The following ABCA12 variants were observed in gnomAD, a reference collection of about 807,000 sequenced individuals.
ABCA12 encodes ATP binding cassette subfamily A member 12.
Under a neutral mutation model 293.5 loss-of-function variants are expected in ABCA12, and 156 were observed. The ratio of observed to expected loss-of-function variants is 0.53; its 90% CI spans 0.47 to 0.61. The LOEUF (loss-of-function observed/expected upper bound fraction) is 0.61, where lower values mean the gene tolerates loss of function less well. Among genes scored for constraint, ABCA12 ranks in the 20% least tolerant of loss-of-function variants. The pLI, the probability that ABCA12 is intolerant of heterozygous loss-of-function variation, is 0.00. For synonymous variants in ABCA12, 1,063 were observed against 1,108.0 expected (o/e 0.96, Z 0.81); for missense variants, 2,797 against 3,090.2 (o/e 0.91, Z 2.25).
In ABCA12 at chr2:214,955,160, T is replaced by C. The variant is rs573158886; in HGVS notation, c.6393+42A>G. On this transcript the variant is annotated intron_variant, in intron 43 of 52. Coordinates refer to ENST00000272895, the MANE Select transcript of ABCA12 (RefSeq NM_173076.3). Reference sequence around the variant, plus strand: ...AAATAAAATCTTTCCACCTGGAACATGTTGAAGCTTTTGATAAATTCACTG... The same window carrying C: ...AAATAAAATCTTTCCACCTGGAACACGTTGAAGCTTTTGATAAATTCACTG... The C allele has an allele frequency of 8.4e-5, 135 of 1,602,990 alleles. 2 individuals carry two copies. The South Asian group carries it at 1.4e-3, about 17-fold the overall frequency.
At chr2:214,973,383 C>G (rs77546616) in intron 36 of ABCA12, among the ~76,000 whole-genome samples, 4,518 of 152,240 alleles carry the variant, frequency 0.03, 214 homozygotes, top group African/African-American at 0.1. Context: ...TCTTGAACTT[C>G]TCTAGTGAAT....
intron 1 of ABCA12, among the ~76,000 whole-genome samples, chr2:215,133,408 A>G (rs990037527): frequency 6.6e-6 from 1 of 151,770 alleles, no homozygotes; most frequent in African/African-American, 2.4e-5. Context: ...AATAATGTGT[A>G]GGTTTGGTCA....
intron 7 of ABCA12, among the ~76,000 whole-genome samples, chr2:215,045,140 G>A (rs1575006984): frequency 6.6e-6 from 1 of 152,148 alleles, no homozygotes; most frequent in African/African-American, 2.4e-5. Flanking sequence ...CATCATTGAT[G>A]CAGTAGTTGG....
At chr2:215,100,277 T>C (rs1702330707) in intron 2 of ABCA12, among the ~76,000 whole-genome samples, 1 of 152,236 alleles carries the variant, frequency 6.6e-6, no homozygotes, top group Non-Finnish European at 1.5e-5. Flanking sequence ...CTAGTCTACC[T>C]ATCTTTAGCC....
At chr2:215,080,202 T>A (rs532119225) in intron 2 of ABCA12, among the ~76,000 whole-genome samples, 3 of 152,308 alleles carry the variant, frequency 2.0e-5, no homozygotes, top group South Asian at 4.1e-4. Context: ...CAGTGATGAA[T>A]TCCCTGAACT....
chr2:214,942,994 C>T lies in ABCA12; in HGVS notation c.7367G>A (p.Cys2456Tyr). 2 of 1,613,328 alleles carry T rather than the reference C, an allele frequency of 1.2e-6. No homozygotes were observed. The highest frequency in any genetic ancestry group is 2.7e-5 in the African/African-American group (2 of 75,014). Residue 2456 changes from cysteine (C) to tyrosine (Y), a missense_variant, in exon 50 of 53, where the codon TGT becomes TAT. Physicochemically the swap from Cys to Tyr is radical, Grantham distance 194. Coordinates refer to ENST00000272895, the MANE Select transcript of ABCA12 (RefSeq NM_173076.3). The part of the protein sequence containing the change: ...SHSMEECEAL[C>Y]TRLAIMVNGK... ...ATTCACCATAATGGCCAACCTGGTA[C>T]AGAGAGCTTCACATTCTTCCATGCT...
At chr2:215,098,838 C>G (rs893408316) in intron 2 of ABCA12, among the ~76,000 whole-genome samples, 1 of 152,198 alleles carries the variant, frequency 6.6e-6, no homozygotes, top group Non-Finnish European at 1.5e-5. Context: ...ATGAGTGCCT[C>G]AACGTGCAGG....
intron 2 of ABCA12, among the ~76,000 whole-genome samples, chr2:215,065,074 G>A (rs1461695968): frequency 1.3e-5 from 2 of 151,722 alleles, no homozygotes; most frequent in Non-Finnish European, 2.9e-5. Flanking sequence ...ATAGTGAGGG[G>A]TTTTGTAAAC....
chr2:215,024,473 G>A (rs746013378), intron 11 of ABCA12, among the ~76,000 whole-genome samples: 2 of 152,136 alleles, frequency 1.3e-5, no homozygotes, highest in Admixed American at 6.5e-5. Context: ...TAATATTATC[G>A]AAGAAGTGGT....
chr2:215,058,171 G>T (rs923000512), intron 3 of ABCA12, among the ~76,000 whole-genome samples: 1 of 151,996 alleles, frequency 6.6e-6, no homozygotes, highest in Non-Finnish European at 1.5e-5. Flanking sequence ...TTAGCCCAGT[G>T]GTTTTCAAGT....
At chr2:215,010,747 G>A (rs1222173610) in intron 17 of ABCA12, among the ~76,000 whole-genome samples, 3 of 152,026 alleles carry the variant, frequency 2.0e-5, no homozygotes. Flanking sequence ...TTTCAGAATG[G>A]CTAACAGATT....
Position 215,000,932 on chromosome 2 carries a change from G to A in ABCA12, c.2952C>T (p.Thr984=), listed in dbSNP as rs1700130284. The change falls in exon 22 of 53, where the codon ACC becomes ACT. Residue 984 remains threonine, a synonymous_variant. Coordinates refer to ENST00000272895, the MANE Select transcript of ABCA12 (RefSeq NM_173076.3). ...NVFLPPVIKY[T]IRMSLKTAQT... ...GTGCGGTCTTGAGACTCATCCGGATGGTATATTTTATGACAGGAGGAAGAA... is the reference window on the plus strand; with the variant it reads ...GTGCGGTCTTGAGACTCATCCGGATAGTATATTTTATGACAGGAGGAAGAA... 2 of 1,613,942 alleles carry A rather than the reference G, an allele frequency of 1.2e-6. No homozygotes were observed. Among genetic ancestry groups the A allele is most frequent in the Non-Finnish European group, 1.7e-6 (2 of 1,179,954 alleles).
At chr2:215,002,018 A>C (rs1251384181) in intron 20 of ABCA12, among the ~76,000 whole-genome samples, 1 of 152,224 alleles carries the variant, frequency 6.6e-6, no homozygotes, top group Non-Finnish European at 1.5e-5. Flanking sequence ...ATAACAAAGA[A>C]CTAAGATGAA....
intron 44 of ABCA12, among the ~76,000 whole-genome samples, chr2:214,952,057 CA>C (rs60347424): frequency 1.6e-3 from 212 of 132,536 alleles, no homozygotes; most frequent in Admixed American, 1.5e-3. Flanking sequence ...TAACAAATAC[CA>C]AAAAAAAAAA....
intron 1 of ABCA12, among the ~76,000 whole-genome samples, chr2:215,113,980 G>T (rs529435232): frequency 1.3e-5 from 2 of 152,084 alleles, no homozygotes; most frequent in African/African-American, 4.8e-5. Context: ...TCATAAACTT[G>T]CTTTTTTTTC....
At chr2:215,030,571 T>A (rs375413063) in intron 9 of ABCA12, among the ~76,000 whole-genome samples, 21 of 147,182 alleles carry the variant, frequency 1.4e-4, no homozygotes, top group African/African-American at 5.3e-4. Context: ...GCCACTGCAC[T>A]CCAGCCTGGG....
At chr2:214,981,359 CCTCT>C (rs1390354822) in intron 30 of ABCA12, among the ~76,000 whole-genome samples, 1 of 152,074 alleles carries the variant, frequency 6.6e-6, no homozygotes, top group Non-Finnish European at 1.5e-5. Flanking sequence ...TTTGAATATT[CCTCT>C]CTGATTATTC....
In ABCA12 at chr2:214,931,766, C is replaced by T. The variant is rs1425553443; in HGVS notation, c.*868G>A. The T allele has an allele frequency of 6.6e-6, 1 of 152,524 alleles. No individual in the cohort carries two copies. The highest frequency in any genetic ancestry group is 2.4e-5 in the African/African-American group (1 of 41,418). The allele number at this position is 152,524 out of a possible 1,614,324, so 9.4% of individuals were successfully genotyped here. A position where few individuals can be genotyped will look rare whatever the true frequency, so the allele number is the denominator to read the frequency against. ...AAAATTATCTTCATATTCGTTTTCC[C>T]TCCACAGGAATGTTTCCTGAAAAGA... On this transcript the variant is annotated 3_prime_UTR_variant, in exon 53 of 53. Coordinates refer to ENST00000272895, the MANE Select transcript of ABCA12 (RefSeq NM_173076.3).
In ABCA12 at chr2:214,951,035, A is replaced by G; in HGVS notation, c.6696T>C (p.Asp2232=). ...TCTCAGCCCGCACATCTTCATCCTC[A>G]TCTATTGTCTCCCTTACATGTGAAG... ...FNSSHVRETI[D]EDEDVRAERL... The change falls in exon 45 of 53, where the codon GAT becomes GAC. Residue 2232 remains aspartate, a synonymous_variant. Transcript: ENST00000272895. 1 of 1,614,158 alleles carries G rather than the reference A, an allele frequency of 6.2e-7. No homozygotes were observed. The highest frequency in any genetic ancestry group is 1.6e-4 in the Middle Eastern group (1 of 6,062).
Sources: allele counts gnomAD v4.1 joint callset (sites outside exome capture counted in the v4.1 genomes callset), GRCh38; gene constraint gnomAD v4.1.1; transcripts MANE v1.5; gene names NCBI Gene and HGNC (gene_info 2026-07-23, HGNC 2026-07-21).